The following SEC16A variants were observed in gnomAD, a reference collection of about 807,000 sequenced individuals.
SEC16A encodes the protein protein transport protein Sec16A.
Under a neutral mutation model 221.9 loss-of-function variants are expected in SEC16A, and 110 were observed. The ratio of observed to expected loss-of-function variants is 0.50; its 90% CI spans 0.42 to 0.58. SEC16A has a LOEUF of 0.58. SEC16A is among the 20% of genes least tolerant of loss of function. The pLI, the probability that SEC16A is intolerant of heterozygous loss-of-function variation, is 0.00. For synonymous variants in SEC16A, 1,393 were observed against 1,257.7 expected, an observed-to-expected ratio of 1.11 and a Z score of -2.28; for missense variants, 3,165 against 3,097.8, an observed-to-expected ratio of 1.02 and a Z score of -0.52.
At chr9:136,443,973 A>G in intron 30 of SEC16A, 73 bp from the exon 31 acceptor site, 2 of 1,046,608 alleles carry the variant, frequency 1.9e-6, no homozygotes, top group Non-Finnish European at 2.8e-6. Context: ...GCAGATACAG[A>G]CACCGCTTCT....
upstream of SEC16A, chr9:136,483,800 C>T (rs959871017): frequency 3.0e-6 from 3 of 985,402 alleles, no homozygotes; most frequent in Non-Finnish European, 3.6e-6. Context: ...CAGGCGGCGG[C>T]GGCCGCGCAT....
In SEC16A at chr9:136,441,523, A is replaced by G. The variant is rs1836183218; in HGVS notation, c.*232T>C. On this transcript the variant is annotated 3_prime_UTR_variant, in exon 32 of 32. Transcript: ENST00000684901. ...AGTCACATCATTCTTTTCGGCAAAC[A>G]ATTCTGAGTCAAAGATTCAGTCTTT... The G allele has an allele frequency of 3.5e-6, 2 of 567,708 alleles. No homozygotes were observed. Among genetic ancestry groups the G allele is most frequent in the East Asian group, 5.7e-5 (2 of 35,010 alleles). 35.2% of individuals were successfully genotyped at this position (567,708 alleles called of 1,614,324 possible). A position where few individuals can be genotyped will look rare whatever the true frequency, so the allele number is the denominator to read the frequency against.
intron 31 of SEC16A, among the ~76,000 whole-genome samples, chr9:136,443,620 G>A (rs1392812130): frequency 2.0e-5 from 3 of 152,224 alleles, no homozygotes; most frequent in Non-Finnish European, 1.5e-5. Flanking sequence ...AGTTATGGCT[G>A]CAGTGAGCTG....
At chr9:136,482,365 T>C (rs1842489552) in intron 1 of SEC16A, among the ~76,000 whole-genome samples, 1 of 152,238 alleles carries the variant, frequency 6.6e-6, no homozygotes, top group African/African-American at 2.4e-5. Flanking sequence ...AAAAGTGTTC[T>C]TAAGCGGCAA....
At chr9:136,445,769 T>A in intron 28 of SEC16A, 50 bp from the exon 29 acceptor site, 1 of 1,504,098 alleles carries the variant, frequency 6.6e-7, no homozygotes, top group South Asian at 1.2e-5. Context: ...GGAATTTAAG[T>A]CTCTCACACC....
chr9:136,483,592 T>C, upstream of SEC16A: 1 of 985,292 alleles, frequency 1.0e-6, no homozygotes, highest in South Asian at 4.7e-5. Context: ...GCTGGCTCTT[T>C]CTCCCAGTCT....
At chr9:136,453,531 A>G (rs760791803) in intron 21 of SEC16A, 21 bp from the exon 22 acceptor site, 8 of 1,596,290 alleles carry the variant, frequency 5.0e-6, no homozygotes, top group Non-Finnish European at 6.9e-6. Flanking sequence ...GAAAGAGAGC[A>G]ACTATGATCT....
chr9:136,481,360 G>A (rs1035077716), intron 1 of SEC16A, among the ~76,000 whole-genome samples: 13 of 151,926 alleles, frequency 8.6e-5, no homozygotes, highest in Non-Finnish European at 1.5e-4. Context: ...GGATGGTCTC[G>A]ATCTCCTGAC....
intron 20 of SEC16A, among the ~76,000 whole-genome samples, chr9:136,454,546 G>A (rs1838333927): frequency 6.6e-6 from 1 of 152,180 alleles, no homozygotes; most frequent in Non-Finnish European, 1.5e-5. Context: ...CTAGGGGAGG[G>A]GCACTTGAGC....
intron 23 of SEC16A, chr9:136,448,707 G>A: frequency 2.8e-6 from 2 of 709,410 alleles, no homozygotes; most frequent in Non-Finnish European, 5.2e-6. Context: ...GGAGAATGGA[G>A]GTCGGGGGCA....
chr9:136,479,631 C>T (rs1183399111), intron 1 of SEC16A, among the ~76,000 whole-genome samples: 3 of 152,114 alleles, frequency 2.0e-5, no homozygotes, highest in Non-Finnish European at 4.4e-5. Flanking sequence ...GGATTACAGG[C>T]GTGAGCCACC....
At chr9:136,443,075 G>C (rs1836427948) in intron 31 of SEC16A, among the ~76,000 whole-genome samples, 1 of 152,256 alleles carries the variant, frequency 6.6e-6, no homozygotes, top group Non-Finnish European at 1.5e-5. Flanking sequence ...ATCACGCTCG[G>C]CTCAGAGACC....
At chr9:136,481,655 G>T (rs1476257513) in intron 1 of SEC16A, among the ~76,000 whole-genome samples, 1 of 152,134 alleles carries the variant, frequency 6.6e-6, no homozygotes, top group Non-Finnish European at 1.5e-5. Context: ...GCTGCCACTG[G>T]CTTCATATTT....
chr9:136,469,214 G>A (rs1429569976), intron 4 of SEC16A, among the ~76,000 whole-genome samples: 1 of 152,132 alleles, frequency 6.6e-6, no homozygotes, highest in African/African-American at 2.4e-5. Flanking sequence ...ACCACTGGCT[G>A]TTGGTACTCC....
chr9:136,453,069 CAAA>C (rs372314249), intron 22 of SEC16A, among the ~76,000 whole-genome samples: 1 of 64,838 alleles, frequency 1.5e-5, no homozygotes, highest in Non-Finnish European at 3.1e-5. Flanking sequence ...GAATCTGTCT[CAAA>C]AAAAAAAAAA....
rs932835722 is a variant in SEC16A at position 136,457,359 on chromosome 9, G to A, written c.5550+85C>T. 19 of 1,458,006 alleles carry A rather than the reference G, an allele frequency of 1.3e-5. No individual in the cohort carries two copies. In the Admixed American group the frequency reaches 1.5e-4, roughly 11 times the overall value. The allele number at this position is 1,458,006 out of a possible 1,614,324, so 90.3% of individuals were successfully genotyped here. ...TACCACAATGCGCGTCTGAACCATC[G>A]CTACCCCCATGCCCGGGGGCTCTGG... is the stretch of plus-strand genomic sequence containing the variant. On this transcript the variant is annotated intron_variant, in intron 18 of 31. Transcript: ENST00000684901.
At chr9:136,465,907 G>A (rs903749969) in intron 8 of SEC16A, 55 bp downstream of exon 8, 3 of 1,547,786 alleles carry the variant, frequency 1.9e-6, no homozygotes, top group Non-Finnish European at 1.8e-6. Flanking sequence ...ATGCCAGGCT[G>A]GGTGGCCGCC....
rs1436799042 is a variant in SEC16A, at chr9:136,474,488, T to G, written c.3128A>C (p.Gln1043Pro). Residue 1043 changes from glutamine (Q) to proline (P), a missense_variant, in exon 3 of 32, where the codon CAG becomes CCG. Around this residue, in one of 3 missense-constraint regions of SEC16A, gnomAD observed 2,030 missense variants for 1,923.1 expected, o/e 1.06. Coordinates refer to ENST00000684901, the MANE Select transcript of SEC16A (RefSeq NM_014866.2). ...GAPNLDRFYQ[Q>P]VTKDAQGQPG... ...CTGGCCCTGGGCATCTTTCGTGACC[T>G]GCTGATAAAAACGGTCAAGGTTAGG... 5.0e-6 allele frequency: 8 copies of G among 1,612,990 alleles called. No individual in the cohort carries two copies. Among genetic ancestry groups the G allele is most frequent in the Non-Finnish European group, 6.8e-6 (8 of 1,179,878 alleles).
chr9:136,483,295 C>A (rs1842655204), upstream of SEC16A, among the ~76,000 whole-genome samples: 1 of 128,052 alleles, frequency 7.8e-6, no homozygotes, highest in African/African-American at 2.9e-5. Flanking sequence ...GCCCCCCGCC[C>A]GTCTTCCACG....
Sources: allele counts gnomAD v4.1 joint callset (sites outside exome capture counted in the v4.1 genomes callset), GRCh38; gene constraint gnomAD v4.1.1; regional missense constraint gnomAD v4.1.1; transcripts MANE v1.5; gene names NCBI Gene and HGNC (gene_info 2026-07-23, HGNC 2026-07-21).